Variants in MAGI1 observed in about 807,000 individuals in gnomAD.
MAGI1 encodes membrane associated guanylate kinase, WW and PDZ domain containing 1.
MAGI1 carries 58 observed loss-of-function variants against 139.9 expected under a neutral mutation model. The ratio of observed to expected loss-of-function variants is 0.41; its 90% CI spans 0.34 to 0.52. The LOEUF is 0.52. Ranked by LOEUF, MAGI1 falls within the 20% of genes least tolerant of loss-of-function variation. The pLI, the probability that MAGI1 is intolerant of heterozygous loss-of-function variation, is 0.12. For missense variants in MAGI1, 1,874 were observed against 1,901.6 expected, an observed-to-expected ratio of 0.99 and a Z score of 0.27; for synonymous variants, 812 against 737.9, an observed-to-expected ratio of 1.10 and a Z score of -1.63.
intron 1 of MAGI1, among the ~76,000 whole-genome samples, chr3:65,773,026 C>T (rs568447538): frequency 4.4e-4 from 67 of 152,282 alleles, no homozygotes; most frequent in Non-Finnish European, 7.6e-4. Flanking sequence ...TGATCTACCA[C>T]GGACCAGTTT....
intron 1 of MAGI1, chr3:65,718,548 T>G (rs750511596): frequency 6.6e-6 from 1 of 152,178 alleles, no homozygotes; most frequent in South Asian, 2.1e-4. Flanking sequence ...AGTTACATAC[T>G]AGTAATGCAT....
At chr3:65,903,188 G>T (rs1432113853) in intron 1 of MAGI1, among the ~76,000 whole-genome samples, 3 of 152,132 alleles carry the variant, frequency 2.0e-5, no homozygotes, top group African/African-American at 7.2e-5. Flanking sequence ...TATAGACAGG[G>T]TCTCTATGGT....
rs533709293 is a variant in MAGI1, at chr3:65,862,279, G to A, written c.313+175717C>T. ...TCAGTTTTTTCTTCTATAAAATGGG[G>A]AAAGAGCAGTACCTATTCTCATATG... On this transcript the variant is annotated intron_variant, in intron 1 of 22. Transcript: ENST00000402939. Among the ~76,000 whole-genome samples, 7 of 152,258 alleles carry A rather than the reference G, an allele frequency of 4.6e-5. No homozygotes were observed. In the South Asian group the frequency reaches 1.5e-3, roughly 32 times the overall value.
intron 1 of MAGI1, among the ~76,000 whole-genome samples, chr3:65,897,349 C>A (rs1281219706): frequency 2.6e-5 from 4 of 151,490 alleles, no homozygotes; most frequent in Admixed American, 1.3e-4. Flanking sequence ...GCTGAGGAAA[C>A]ACAGCAAGAA....
At chr3:65,509,608 A>C (rs201670405) in intron 2 of MAGI1, among the ~76,000 whole-genome samples, 1 of 152,236 alleles carries the variant, frequency 6.6e-6, no homozygotes, top group African/African-American at 2.4e-5. Context: ...GGCTTAAAAA[A>C]GGCGAACCAC....
chr3:65,524,536 T>C (rs965062254), intron 2 of MAGI1, among the ~76,000 whole-genome samples: 5 of 152,204 alleles, frequency 3.3e-5, no homozygotes, highest in South Asian at 2.1e-4. Flanking sequence ...AGGGTTTCAG[T>C]GCATCATTCA....
chr3:65,445,682 T>G (rs975562821), intron 7 of MAGI1, among the ~76,000 whole-genome samples: 7 of 152,118 alleles, frequency 4.6e-5, no homozygotes, highest in Non-Finnish European at 8.8e-5. Context: ...GCTTTTTAAT[T>G]CTGGGGAGAT....
chr3:65,797,065 G>T lies in MAGI1; in HGVS notation c.314-174977C>A, dbSNP rs76040847. On this transcript the variant is annotated intron_variant, in intron 1 of 22. Transcript: ENST00000402939. The stretch of plus-strand genomic sequence containing the variant: ...TCATCCAGAAAACCTTAGCTATGCC[G>T]CATGAGTTCTGATTATCTATTAAAC... Among the ~76,000 whole-genome samples the T allele has an allele frequency of 2.6e-5, 4 of 151,930 alleles. No homozygotes were observed. In the East Asian group the frequency reaches 5.8e-4, roughly 22 times the overall value.
intron 1 of MAGI1, among the ~76,000 whole-genome samples, chr3:65,852,979 CAAAAAAAAAAAA>C (rs57460083): frequency 0.068 from 7,143 of 104,290 alleles, 582 homozygotes; most frequent in African/African-American, 0.19. Context: ...ACTAAAAATA[CAAAAAAAAAAAA>C]AAAAAAAATT....
At chr3:66,012,129 A>G (rs550381385) in intron 1 of MAGI1, among the ~76,000 whole-genome samples, 1 of 152,282 alleles carries the variant, frequency 6.6e-6, no homozygotes, top group African/African-American at 2.4e-5. Context: ...TCAAATTCAA[A>G]AGAATGACAG....
At chr3:65,849,064 C>T (rs2059113680) in intron 1 of MAGI1, among the ~76,000 whole-genome samples, 1 of 91,026 alleles carries the variant, frequency 1.1e-5, no homozygotes, top group Non-Finnish European at 2.1e-5. Flanking sequence ...GCTCTTTTTG[C>T]CCAAGCTGGA....
At chr3:65,955,970 T>C (rs114016511) in intron 1 of MAGI1, among the ~76,000 whole-genome samples, 2 of 152,144 alleles carry the variant, frequency 1.3e-5, no homozygotes, top group African/African-American at 4.8e-5. Flanking sequence ...TGCCCATGTA[T>C]GAAATATACA....
At chr3:65,360,881 G>C in intron 22 of MAGI1, 1 of 1,231,168 alleles carries the variant, frequency 8.1e-7, no homozygotes, top group Non-Finnish European at 1.0e-6. Context: ...CTAACAATTG[G>C]ATCTGAGGAA....
intron 1 of MAGI1, among the ~76,000 whole-genome samples, chr3:65,879,608 T>C (rs189577637): frequency 1.3e-5 from 2 of 152,176 alleles, no homozygotes; most frequent in Non-Finnish European, 2.9e-5. Flanking sequence ...TTAACCTCTC[T>C]GTGCTCAGAA....
At chr3:65,833,636 G>A (rs2042649397) in intron 1 of MAGI1, among the ~76,000 whole-genome samples, 1 of 152,168 alleles carries the variant, frequency 6.6e-6, no homozygotes, top group Non-Finnish European at 1.5e-5. Context: ...ATAAAATAGA[G>A]AATATTCATT....
intron 2 of MAGI1, among the ~76,000 whole-genome samples, chr3:65,501,950 C>T (rs187082615): frequency 1.3e-5 from 2 of 152,316 alleles, no homozygotes; most frequent in African/African-American, 2.4e-5. Context: ...AAAGATTACA[C>T]ACTGTATGAT....
chr3:66,000,462 T>A (rs568196497), intron 1 of MAGI1, among the ~76,000 whole-genome samples: 77 of 152,148 alleles, frequency 5.1e-4, no homozygotes, highest in South Asian at 1.7e-3. Flanking sequence ...AAAAAAAAAA[T>A]TTTTAAACCT....
intron 1 of MAGI1, among the ~76,000 whole-genome samples, chr3:65,714,316 G>T (rs537815284): frequency 6.6e-6 from 1 of 151,980 alleles, no homozygotes; most frequent in Non-Finnish European, 1.5e-5. Context: ...CCACTGCTTG[G>T]GGTTATGTTC....
At chr3:65,810,156 A>G (rs1418168970) in intron 1 of MAGI1, among the ~76,000 whole-genome samples, 3 of 152,270 alleles carry the variant, frequency 2.0e-5, no homozygotes, top group African/African-American at 7.2e-5. Context: ...ATAATTTCAC[A>G]TATTAGGTAA....
Sources: gnomAD v4.1 joint callset for allele counts (sites outside exome capture counted in the v4.1 genomes callset) on GRCh38, gnomAD v4.1.1 for gene constraint, MANE v1.5 for transcripts, NCBI Gene and HGNC (gene_info 2026-07-23, HGNC 2026-07-21) for gene names.